TMEM132B: variants seen among roughly 807,000 people sequenced by gnomAD.
The protein encoded by TMEM132B is transmembrane protein 132B.
A neutral mutation model predicts 90.8 loss-of-function variants in TMEM132B; 18 were observed. The ratio of observed to expected loss-of-function variants is 0.20; its 90% CI spans 0.14 to 0.29. TMEM132B has a LOEUF of 0.29. Among genes scored for constraint, TMEM132B ranks in the 10% least tolerant of loss-of-function variants. The pLI is 1.00. For synonymous variants in TMEM132B, 504 were observed against 523.3 expected, an observed-to-expected ratio of 0.96 and a Z score of 0.50; for missense variants, 1,096 against 1,326.8, an observed-to-expected ratio of 0.83 and a Z score of 2.70.
intron 5 of TMEM132B, among the ~76,000 whole-genome samples, chr12:125,604,414 G>A (rs1001334651): frequency 1.3e-5 from 2 of 151,730 alleles, no homozygotes; most frequent in Admixed American, 1.3e-4. Flanking sequence ...CATGGATACA[G>A]GGAGGGGAAC....
At position 125,413,128 on chromosome 12, in the gene TMEM132B, A is replaced by G. The variant is rs887571597; in HGVS notation, c.960-2403A>G. Reference sequence around the variant, plus strand: ...ATTTGAATCTCCTAATTCTACCCTTAAGGTTCCTTACGGTGGGTGGTAAAG... The same window carrying G: ...ATTTGAATCTCCTAATTCTACCCTTGAGGTTCCTTACGGTGGGTGGTAAAG... On this transcript the variant is annotated intron_variant, in intron 2 of 8. Coordinates refer to ENST00000682704, the MANE Select transcript of TMEM132B (RefSeq NM_001366854.1). 2.6e-5 allele frequency among the ~76,000 whole-genome samples: 4 copies of G among 152,260 alleles called. No individual in the cohort carries two copies. In the East Asian group the frequency reaches 5.8e-4, roughly 22 times the overall value.
intron 1 of TMEM132B, among the ~76,000 whole-genome samples, chr12:125,219,606 C>T (rs1873515280): frequency 1.3e-5 from 2 of 152,330 alleles, no homozygotes; most frequent in South Asian, 2.1e-4. Context: ...GGTCCTCCAA[C>T]CCTCCCCGCC....
chr12:125,592,794 A>T (rs926111813), intron 5 of TMEM132B, among the ~76,000 whole-genome samples: 5 of 152,192 alleles, frequency 3.3e-5, no homozygotes, highest in Admixed American at 1.3e-4. Context: ...GGCGCACCTG[A>T]GCTGATGTCA....
intron 1 of TMEM132B, among the ~76,000 whole-genome samples, chr12:125,201,901 A>T (rs555405314): frequency 3.3e-5 from 5 of 152,148 alleles, no homozygotes; most frequent in Non-Finnish European, 7.4e-5. Flanking sequence ...GGTGTTGCTC[A>T]TCTCTTCTCC....
At chr12:125,642,725 A>G (rs75679152) in intron 5 of TMEM132B, among the ~76,000 whole-genome samples, 2,868 of 152,316 alleles carry the variant, frequency 0.019, 45 homozygotes, top group South Asian at 0.042. Flanking sequence ...TGAGCAGCCT[A>G]TGTTAATTAT....
intron 3 of TMEM132B, among the ~76,000 whole-genome samples, chr12:125,461,839 C>T (rs1210877739): frequency 1.3e-5 from 2 of 152,222 alleles, no homozygotes; most frequent in Non-Finnish European, 2.9e-5. Context: ...CCGCTGGTCT[C>T]CTCACCTTGA....
intron 1 of TMEM132B, among the ~76,000 whole-genome samples, chr12:125,314,503 TC>T (rs1307736874): frequency 6.6e-6 from 1 of 152,190 alleles, no homozygotes; most frequent in East Asian, 1.9e-4. Context: ...TTCCTGGGTT[TC>T]TTGTGCTGCA....
chr12:125,492,707 C>T lies in TMEM132B; in HGVS notation c.1107-26732C>T, dbSNP rs773859955. ...TGCTCTGTCCCTGGGCTCAGGAGGG[C>T]GCACCCTTGGGAGGGTCTGTCCTGT... On this transcript the variant is annotated intron_variant, in intron 3 of 8. Transcript: ENST00000682704. The surrounding 1 kb of genome is among the most constrained non-coding windows in gnomAD (Gnocchi z 5.8). 5.3e-5 allele frequency among the ~76,000 whole-genome samples: 8 copies of T among 152,150 alleles called. No homozygotes were observed. Among genetic ancestry groups the T allele is most frequent in the African/African-American group, 7.2e-5 (3 of 41,442 alleles).
In TMEM132B at chr12:125,307,777, TTATAA is replaced by T. The variant is rs1321354200; in HGVS notation, c.68-41672_68-41668del. 1.9e-4 allele frequency among the ~76,000 whole-genome samples: 18 copies of T among 93,030 alleles called. 1 individual carries two copies. The highest frequency in any genetic ancestry group is 3.3e-4 in the South Asian group (1 of 3,008). 61.0% of individuals were successfully genotyped at this position (93,030 alleles called of 152,430 possible). On this transcript the variant is annotated intron_variant, in intron 1 of 8. Coordinates refer to ENST00000682704, the MANE Select transcript of TMEM132B (RefSeq NM_001366854.1). ...ATACTTATATTGCAAGTATATATAC[TTATAA>T]TACAAGTATATTACAAGTATATATA... is the stretch of plus-strand genomic sequence containing the variant.
chr12:125,406,265 A>G lies in TMEM132B; in HGVS notation c.960-9266A>G, dbSNP rs1426966585. On this transcript the variant is annotated intron_variant, in intron 2 of 8. Coordinates refer to ENST00000682704, the MANE Select transcript of TMEM132B (RefSeq NM_001366854.1). The surrounding 1 kb of genome is among the most constrained non-coding windows in gnomAD (Gnocchi z 8.3). Reference sequence around the variant, plus strand: ...TCATACCCACACAATTTGCCTGTCTAGTGATGCTCATCAAGTTTCCTCATG... The same window carrying G: ...TCATACCCACACAATTTGCCTGTCTGGTGATGCTCATCAAGTTTCCTCATG... 1.3e-5 allele frequency among the ~76,000 whole-genome samples: 2 copies of G among 152,190 alleles called. No homozygotes were observed. Among genetic ancestry groups the G allele is most frequent in the Non-Finnish European group, 2.9e-5 (2 of 68,038 alleles).
At position 125,460,788 on chromosome 12, in the gene TMEM132B, T is replaced by G. The variant is rs139307613; in HGVS notation, c.1106+45111T>G. Among the ~76,000 whole-genome samples, 20 of 152,348 alleles carry G rather than the reference T, an allele frequency of 1.3e-4. No individual in the cohort carries two copies. The highest frequency in any genetic ancestry group is 4.6e-4 in the African/African-American group (19 of 41,586). On this transcript the variant is annotated intron_variant, in intron 3 of 8. Coordinates refer to ENST00000682704, the MANE Select transcript of TMEM132B (RefSeq NM_001366854.1). The surrounding 1 kb of genome is among the most constrained non-coding windows in gnomAD (Gnocchi z 4.4). ...ATTAGCTGCTCATCTACAGGGAAGATCCTGGAAAATTCTCACAAAATCAAA... is the reference window on the plus strand; with the variant it reads ...ATTAGCTGCTCATCTACAGGGAAGAGCCTGGAAAATTCTCACAAAATCAAA...
intron 4 of TMEM132B, among the ~76,000 whole-genome samples, chr12:125,526,997 T>C (rs1354996921): frequency 7.0e-6 from 1 of 143,620 alleles, no homozygotes; most frequent in African/African-American, 2.6e-5. Flanking sequence ...CACCCTTCTA[T>C]CCAATCATTT....
At chr12:125,553,543 G>A (rs761602388) in intron 4 of TMEM132B, among the ~76,000 whole-genome samples, 2 of 152,236 alleles carry the variant, frequency 1.3e-5, no homozygotes, top group South Asian at 4.1e-4. Context: ...GGCCCTGGAA[G>A]TTGGATAGTT....
intron 2 of TMEM132B, among the ~76,000 whole-genome samples, chr12:125,373,818 G>A (rs957134040): frequency 5.3e-5 from 8 of 151,956 alleles, no homozygotes; most frequent in South Asian, 2.1e-4. Flanking sequence ...GTTTTGAAAC[G>A]GAGTTTCACT....
In TMEM132B at chr12:125,246,739, G is replaced by T. The variant is rs1874216283; in HGVS notation, c.67+59873G>T. On this transcript the variant is annotated intron_variant, in intron 1 of 8. Transcript: ENST00000682704. The surrounding 1 kb of genome is among the most constrained non-coding windows in gnomAD (Gnocchi z 4.2). ...TTCTTAAATCGGAGCCGGCTTTCAG[G>T]CACCTATCTTCTCACCCTTTGTTCC... Among the ~76,000 whole-genome samples the T allele has an allele frequency of 6.6e-6, 1 of 152,180 alleles. No homozygotes were observed. Among genetic ancestry groups the T allele is most frequent in the Non-Finnish European group, 1.5e-5 (1 of 68,036 alleles).
rs757239386 is a variant in TMEM132B, at chr12:125,652,458, T to C, written c.1932T>C (p.Ser644=). 5.0e-6 allele frequency: 8 copies of C among 1,607,582 alleles called. No individual in the cohort carries two copies. The South Asian group carries it at 7.8e-5, about 16-fold the overall frequency. ...CTTTTCAGGTCCTCTCGCCGTTGTC[T>C]GACTCCATCCTGGCTGAGAAGACGG... ...ITTVQVLSPL[S]DSILAEKTVI... is the part of the protein sequence containing the mutation. The change falls in exon 8 of 9, where the codon TCT becomes TCC. Residue 644 remains serine (S), a synonymous_variant. Coordinates refer to ENST00000682704, the MANE Select transcript of TMEM132B (RefSeq NM_001366854.1).
In TMEM132B at chr12:125,584,013, A is replaced by G. The variant is rs748199303; in HGVS notation, c.1437+19A>G. On this transcript the variant is annotated intron_variant, in intron 5 of 8. Coordinates refer to ENST00000682704, the MANE Select transcript of TMEM132B (RefSeq NM_001366854.1). ...CATTAAGGTAAGGGGGGATTTATCT[A>G]CAGCTGTCCTAAGTGCTCAGAGCTT... 1.9e-6 allele frequency: 3 copies of G among 1,614,066 alleles called. No individual in the cohort carries two copies. The highest frequency in any genetic ancestry group is 2.5e-6 in the Non-Finnish European group (3 of 1,179,936).
chr12:125,191,077 A>G (rs1207096890), intron 1 of TMEM132B, among the ~76,000 whole-genome samples: 2 of 23,798 alleles, frequency 8.4e-5, no homozygotes, highest in Non-Finnish European at 7.4e-5. Context: ...GGTGATGGTG[A>G]TGGGGAAGGG....
intron 4 of TMEM132B, among the ~76,000 whole-genome samples, chr12:125,571,926 A>G (rs1045737750): frequency 5.3e-5 from 8 of 152,248 alleles, no homozygotes; most frequent in African/African-American, 1.9e-4. Flanking sequence ...CTTTATAGCA[A>G]AAGAAAAATA....
Sources: gnomAD v4.1 joint callset for allele counts (sites outside exome capture counted in the v4.1 genomes callset) on GRCh38, gnomAD v4.1.1 for gene constraint, Gnocchi (gnomAD v3.1) non-coding constraint, MANE v1.5 for transcripts, NCBI Gene and HGNC (gene_info 2026-07-23, HGNC 2026-07-21) for gene names.